The following NEMP2 variants were observed in gnomAD, a reference collection of about 807,000 sequenced individuals.
NEMP2 encodes nuclear envelope integral membrane protein 2.
NEMP2 carries 53 observed loss-of-function variants against 54.2 expected under a neutral mutation model. The ratio of observed to expected loss-of-function variants is 0.98; its 90% CI spans 0.78 to 1.23. The LOEUF (loss-of-function observed/expected upper bound fraction) is 1.23. Among genes scored for constraint, NEMP2 ranks in the 50% most tolerant of loss-of-function variants. NEMP2 has a pLI of 0.00. For missense variants in NEMP2, 455 were observed against 511.3 expected (o/e 0.89, Z 1.06); for synonymous variants, 197 against 190.3 (o/e 1.04, Z -0.29).
the NEMP2 span, among the ~76,000 whole-genome samples, chr2:190,643,755 T>C: frequency 0.74 from 111,969 of 151,976 alleles, 41,391 homozygotes; most frequent in South Asian, 0.84. Context: ...GGTGAAATCC[T>C]GTTTCTATAA....
the NEMP2 span, among the ~76,000 whole-genome samples, chr2:190,486,663 C>T: frequency 6.6e-6 from 1 of 152,142 alleles, no homozygotes; most frequent in South Asian, 2.1e-4. Context: ...TAAATTTAGT[C>T]CCTGTTATTC....
the NEMP2 span, among the ~76,000 whole-genome samples, chr2:190,613,184 T>C: frequency 2.6e-4 from 39 of 152,292 alleles, no homozygotes; most frequent in Non-Finnish European, 4.6e-4. Flanking sequence ...ACTAAGGTCA[T>C]AGTTTAGTTT....
the NEMP2 span, among the ~76,000 whole-genome samples, chr2:190,544,727 C>T: frequency 6.6e-6 from 1 of 151,940 alleles, no homozygotes; most frequent in Non-Finnish European, 1.5e-5. Context: ...TGAACAAATA[C>T]AGTGCATCTA....
At chr2:190,557,205 G>C in the NEMP2 span, among the ~76,000 whole-genome samples, 2 of 152,046 alleles carry the variant, frequency 1.3e-5, no homozygotes. Context: ...TGACAAACCT[G>C]ACAAAAAACA....
chr2:190,626,453 C>T, the NEMP2 span: 1 of 151,142 alleles, frequency 6.6e-6, no homozygotes, highest in East Asian at 1.9e-4. This position sits in a 1 kb window ranked among gnomAD's most constrained non-coding sequence, Gnocchi z 4.5. Flanking sequence ...TTAAGAGTGT[C>T]GAGAGAGAGA....
the NEMP2 span, among the ~76,000 whole-genome samples, chr2:190,434,382 T>A: frequency 6.6e-6 from 1 of 152,144 alleles, no homozygotes; most frequent in African/African-American, 2.4e-5. The surrounding 1 kb of genome is among the most constrained non-coding windows in gnomAD (Gnocchi z 4.3). Flanking sequence ...TCCTATAAAT[T>A]TATATAAATG....
At chr2:190,447,366 A>G in the NEMP2 span, among the ~76,000 whole-genome samples, 2 of 152,204 alleles carry the variant, frequency 1.3e-5, no homozygotes, top group Non-Finnish European at 2.9e-5. The surrounding 1 kb of genome is among the most constrained non-coding windows in gnomAD (Gnocchi z 4.5). Flanking sequence ...AGTGGATTTC[A>G]TTTTTAATTT....
In NEMP2 at chr2:190,504,577, G is replaced by A. The variant is rs1326044898; in HGVS notation, c.*4612C>T. On this transcript the variant is annotated 3_prime_UTR_variant, in exon 9 of 9. Transcript: ENST00000409150. The surrounding 1 kb of genome is among the most constrained non-coding windows in gnomAD (Gnocchi z 5.6). ...GATGATGGTGACAATTCCATAAAGT[G>A]CAAAAGTCTGCTGAGAGAGGTTATA... 1 of 152,044 alleles carries A rather than the reference G, an allele frequency of 6.6e-6. No individual in the cohort carries two copies. The highest frequency in any genetic ancestry group is 2.4e-5 in the African/African-American group (1 of 41,406). 9.4% of individuals were successfully genotyped at this position (152,044 alleles called of 1,614,324 possible). A position where few individuals can be genotyped will look rare whatever the true frequency, so the allele number is the denominator to read the frequency against.
Position 190,533,880 on chromosome 2 carries a change from C to T in NEMP2, c.97+679G>A. 1.4e-6 allele frequency: 1 copy of T among 711,264 alleles called. No homozygotes were observed. The highest frequency in any genetic ancestry group is 1.7e-6 in the Non-Finnish European group (1 of 579,262). The allele number at this position is 711,264 out of a possible 1,614,324, so 44.1% of individuals were successfully genotyped here. On this transcript the variant is annotated intron_variant, in intron 1 of 8. Transcript: ENST00000409150. The surrounding 1 kb of genome is among the most constrained non-coding windows in gnomAD (Gnocchi z 4.3). ...CCCCAGGTGTCCTTCCCAGATCCTT[C>T]CCCAGTGTGCCAGCATCTTAAGCCC... is the stretch of plus-strand genomic sequence containing the variant.
intron 1 of NEMP2, chr2:190,534,333 T>C (rs1450965168): frequency 1.7e-6 from 2 of 1,193,456 alleles, no homozygotes; most frequent in African/African-American, 3.2e-5. Context: ...TTGCTTCTAA[T>C]TCTAAAATTA....
At chr2:190,524,863 T>C (rs570276042) in intron 2 of NEMP2, among the ~76,000 whole-genome samples, 1 of 152,330 alleles carries the variant, frequency 6.6e-6, no homozygotes, top group East Asian at 1.9e-4. Context: ...TGAAGGAAAG[T>C]ACTAGGCAAT....
chr2:190,464,119 C>G, the NEMP2 span, among the ~76,000 whole-genome samples: 3 of 152,188 alleles, frequency 2.0e-5, no homozygotes, highest in African/African-American at 4.8e-5. Context: ...ACCCTGGCCT[C>G]GAGCAACCTT....
chr2:190,596,978 T>C, the NEMP2 span, among the ~76,000 whole-genome samples: 3 of 152,304 alleles, frequency 2.0e-5, no homozygotes, highest in Admixed American at 6.5e-5. The surrounding 1 kb of genome is among the most constrained non-coding windows in gnomAD (Gnocchi z 5.1). Flanking sequence ...TTTTAAGTTT[T>C]CTGGACAGGC....
At chr2:190,437,134 C>T in the NEMP2 span, 1 of 1,614,238 alleles carries the variant, frequency 6.2e-7, no homozygotes, top group South Asian at 1.1e-5. The surrounding 1 kb of genome is among the most constrained non-coding windows in gnomAD (Gnocchi z 5.9). Flanking sequence ...CAGGAATTAC[C>T]AGATCGTCTT....
chr2:190,527,462 A>G lies in NEMP2; in HGVS notation c.98-2084T>C, dbSNP rs1690980202. Among the ~76,000 whole-genome samples the G allele has an allele frequency of 1.3e-5, 2 of 152,210 alleles. No individual in the cohort carries two copies. The highest frequency in any genetic ancestry group is 4.8e-5 in the African/African-American group (2 of 41,450). On this transcript the variant is annotated intron_variant, in intron 1 of 8. Coordinates refer to ENST00000409150, the MANE Select transcript of NEMP2 (RefSeq NM_001142645.2). The surrounding 1 kb of genome is among the most constrained non-coding windows in gnomAD (Gnocchi z 4.0). ...TCCGGTGGCCACACGAAGCAGCAAA[A>G]TTACACAAGGACCCAACGTATTCAA...
At chr2:190,597,003 G>C in the NEMP2 span, among the ~76,000 whole-genome samples, 7 of 152,034 alleles carry the variant, frequency 4.6e-5, no homozygotes, top group African/African-American at 1.7e-4. The surrounding 1 kb of genome is among the most constrained non-coding windows in gnomAD (Gnocchi z 4.7). Flanking sequence ...TGGCTCACAC[G>C]TGTATCCCAG....
chr2:190,534,769 C>A, upstream of NEMP2: 2 of 762,778 alleles, frequency 2.6e-6, no homozygotes, highest in Non-Finnish European at 3.6e-6. Flanking sequence ...GGCCCGAACG[C>A]GGGAAAGGCG....
the NEMP2 span, among the ~76,000 whole-genome samples, chr2:190,543,757 A>T: frequency 6.6e-6 from 1 of 152,212 alleles, no homozygotes; most frequent in South Asian, 2.1e-4. The surrounding 1 kb of genome is among the most constrained non-coding windows in gnomAD (Gnocchi z 4.7). Flanking sequence ...ACCATTTTGG[A>T]ACCAGAAGTC....
chr2:190,588,357 C>T, the NEMP2 span, among the ~76,000 whole-genome samples: 2 of 152,174 alleles, frequency 1.3e-5, no homozygotes, highest in African/African-American at 4.8e-5. The surrounding 1 kb of genome is among the most constrained non-coding windows in gnomAD (Gnocchi z 5.0). Flanking sequence ...CTGTCTCTTT[C>T]TCTTTCTTCC....
Sources: gnomAD v4.1 joint callset for allele counts (sites outside exome capture counted in the v4.1 genomes callset) on GRCh38, gnomAD v4.1.1 for gene constraint, Gnocchi (gnomAD v3.1) non-coding constraint, MANE v1.5 for transcripts, NCBI Gene and HGNC (gene_info 2026-07-23, HGNC 2026-07-21) for gene names.